Variants in UBE2E1 observed in about 807,000 individuals in gnomAD.
The protein encoded by UBE2E1 is ubiquitin conjugating enzyme E2 E1.
A neutral mutation model predicts 21.4 loss-of-function variants in UBE2E1; 6 were observed. That is an observed-to-expected ratio of 0.28 (90% CI 0.15 to 0.55). UBE2E1 has a LOEUF of 0.55. Among genes scored for constraint, UBE2E1 ranks in the 20% least tolerant of loss-of-function variants. The probability of loss-of-function intolerance (pLI) is 0.93; values close to 1 mark genes in which losing one functional copy is unlikely to be tolerated. For synonymous variants in UBE2E1, 87 were observed against 82.7 expected (o/e 1.05, Z -0.28); for missense variants, 142 against 236.5 (o/e 0.60, Z 2.62).
chr3:23,810,570 C>A lies in UBE2E1; in HGVS notation c.153-890C>A. Reference sequence around the variant, plus strand: ...CGAGAGTCCCGGCCAGCGTGCGGGGCGGAGGCAGGGTCCGGTGCACCTGTG... The same window carrying A: ...CGAGAGTCCCGGCCAGCGTGCGGGGAGGAGGCAGGGTCCGGTGCACCTGTG... On this transcript the variant is annotated intron_variant, in intron 2 of 5. Coordinates refer to ENST00000306627, the MANE Select transcript of UBE2E1 (RefSeq NM_003341.5). The surrounding 1 kb of genome is among the most constrained non-coding windows in gnomAD (Gnocchi z 5.8). 6.6e-7 allele frequency: 1 copy of A among 1,513,326 alleles called. No homozygotes were observed. The highest frequency in any genetic ancestry group is 8.8e-7 in the Non-Finnish European group (1 of 1,131,626). The allele number at this position is 1,513,326 out of a possible 1,614,324, so 93.7% of individuals were successfully genotyped here.
At chr3:23,869,832 A>G (rs1700746133) in intron 3 of UBE2E1, among the ~76,000 whole-genome samples, 1 of 151,890 alleles carries the variant, frequency 6.6e-6, no homozygotes, top group Admixed American at 6.6e-5. Flanking sequence ...TTGCCTCAGA[A>G]TGATCCCGCC....
At chr3:23,852,540 G>A (rs980364267) in intron 3 of UBE2E1, among the ~76,000 whole-genome samples, 2 of 152,170 alleles carry the variant, frequency 1.3e-5, no homozygotes, top group Non-Finnish European at 2.9e-5. Context: ...ACAAGATCAT[G>A]TCATCTGCAA....
At chr3:23,889,555 C>T in intron 5 of UBE2E1, 1 of 1,376,220 alleles carries the variant, frequency 7.3e-7, no homozygotes, top group Non-Finnish European at 9.3e-7. Flanking sequence ...CTTAATTTCC[C>T]ATAGAGTTCT....
intron 5 of UBE2E1, 71 bp downstream of exon 5, chr3:23,889,330 A>G (rs77972669): frequency 1.2e-6 from 2 of 1,603,910 alleles, no homozygotes; most frequent in South Asian, 2.2e-5. Context: ...AAAAGCTTTC[A>G]AAGGACAAAA....
At position 23,817,300 on chromosome 3, in the gene UBE2E1, TAA is replaced by T. The variant is rs562308831; in HGVS notation, c.203+5791_203+5792del. Among the ~76,000 whole-genome samples, 28 of 151,492 alleles carry T rather than the reference TAA, an allele frequency of 1.8e-4. No homozygotes were observed. In the South Asian group the frequency reaches 5.6e-3, roughly 30 times the overall value. On this transcript the variant is annotated intron_variant, in intron 3 of 5. Coordinates refer to ENST00000306627, the MANE Select transcript of UBE2E1 (RefSeq NM_003341.5). ...AGCCGGGCGTGGTGACGCGCGCCCG[TAA>T]TCCCAGCTACTTGGGAGGCTGAGGC... is the stretch of plus-strand genomic sequence containing the variant.
chr3:23,839,108 G>A (rs1700031609), intron 3 of UBE2E1, among the ~76,000 whole-genome samples: 1 of 151,948 alleles, frequency 6.6e-6, no homozygotes, highest in Non-Finnish European at 1.5e-5. Context: ...TATTCTGCAT[G>A]TTATAAACCC....
rs553804459 is a variant in UBE2E1, at chr3:23,868,550, G to C, written c.204-19017G>C. 1.3e-3 allele frequency among the ~76,000 whole-genome samples: 198 copies of C among 151,984 alleles called. No individual in the cohort carries two copies. The Middle Eastern group carries it at 0.02, about 16-fold the overall frequency. Reference sequence around the variant, plus strand: ...TCTCGATCTCCTGACCTTGTGATCCGCCTGCCTCAGCCTCCCAAAGTGCTG... The same window carrying C: ...TCTCGATCTCCTGACCTTGTGATCCCCCTGCCTCAGCCTCCCAAAGTGCTG... On this transcript the variant is annotated intron_variant, in intron 3 of 5. Coordinates refer to ENST00000306627, the MANE Select transcript of UBE2E1 (RefSeq NM_003341.5).
At chr3:23,820,141 C>T (rs983030804) in intron 3 of UBE2E1, among the ~76,000 whole-genome samples, 2 of 152,182 alleles carry the variant, frequency 1.3e-5, no homozygotes, top group African/African-American at 2.4e-5. Context: ...CTGACACATC[C>T]CATGTCACCA....
At chr3:23,845,857 A>T (rs1465473882) in intron 3 of UBE2E1, among the ~76,000 whole-genome samples, 1 of 152,220 alleles carries the variant, frequency 6.6e-6, no homozygotes, top group Non-Finnish European at 1.5e-5. Context: ...TTTCAATTTA[A>T]TAATTCAATA....
rs1038566225 is a variant in UBE2E1 at position 23,808,431 on chromosome 3, A to G, written c.152+1010A>G. Among the ~76,000 whole-genome samples, 1 of 152,256 alleles carries G rather than the reference A, an allele frequency of 6.6e-6. No homozygotes were observed. The highest frequency in any genetic ancestry group is 6.5e-5 in the Admixed American group (1 of 15,284). On this transcript the variant is annotated intron_variant, in intron 2 of 5. Coordinates refer to ENST00000306627, the MANE Select transcript of UBE2E1 (RefSeq NM_003341.5). The surrounding 1 kb of genome is among the most constrained non-coding windows in gnomAD (Gnocchi z 4.9). ...GTGGCAAACCAGGAAGATAGTAAGA[A>G]CTCCAAATGATGGGATAGGGATACC...
chr3:23,865,250 C>G (rs889076988), intron 3 of UBE2E1, among the ~76,000 whole-genome samples: 1 of 151,984 alleles, frequency 6.6e-6, no homozygotes, highest in African/African-American at 2.4e-5. Flanking sequence ...GCCCAGGCAA[C>G]TCCTAGAGGC....
At chr3:23,884,763 C>T (rs1187535730) in intron 3 of UBE2E1, among the ~76,000 whole-genome samples, 1 of 152,090 alleles carries the variant, frequency 6.6e-6, no homozygotes, top group Non-Finnish European at 1.5e-5. Context: ...GGAATATTGT[C>T]AGTACTGGAT....
chr3:23,823,822 A>T lies in UBE2E1; in HGVS notation c.203+12312A>T, dbSNP rs186759421. On this transcript the variant is annotated intron_variant, in intron 3 of 5. Transcript: ENST00000306627. The surrounding 1 kb of genome is among the most constrained non-coding windows in gnomAD (Gnocchi z 4.2). ...AGTAAAGTTAGCAGCGTCATATACT[A>T]CTTGCTAGTATATCACACTGCTTTG... Among the ~76,000 whole-genome samples, 4 of 152,320 alleles carry T rather than the reference A, an allele frequency of 2.6e-5. No homozygotes were observed. Among genetic ancestry groups the T allele is most frequent in the Admixed American group, 2.6e-4 (4 of 15,298 alleles).
chr3:23,828,769 G>A (rs1019211118), intron 3 of UBE2E1, among the ~76,000 whole-genome samples: 59 of 152,188 alleles, frequency 3.9e-4, no homozygotes, highest in Non-Finnish European at 7.6e-4. Flanking sequence ...GACCTAAGAT[G>A]TAAATTTGTT....
At chr3:23,855,615 G>A (rs2125310181) in intron 3 of UBE2E1, among the ~76,000 whole-genome samples, 1 of 152,194 alleles carries the variant, frequency 6.6e-6, no homozygotes, top group Middle Eastern at 3.4e-3. Flanking sequence ...GGATCACGAG[G>A]TCAGGAGATC....
At chr3:23,821,384 G>A (rs1173597048) in intron 3 of UBE2E1, among the ~76,000 whole-genome samples, 3 of 152,366 alleles carry the variant, frequency 2.0e-5, no homozygotes, top group African/African-American at 7.2e-5. Flanking sequence ...CAGGCCCTGA[G>A]GCGGGGACAA....
chr3:23,840,981 T>G (rs774201333), intron 3 of UBE2E1, among the ~76,000 whole-genome samples: 20 of 152,352 alleles, frequency 1.3e-4, no homozygotes, highest in Non-Finnish European at 2.5e-4. Flanking sequence ...GTAGGGCAGA[T>G]TTAGTATCTG....
intron 3 of UBE2E1, among the ~76,000 whole-genome samples, chr3:23,858,462 G>T (rs1400416890): frequency 6.6e-6 from 1 of 152,110 alleles, no homozygotes; most frequent in Non-Finnish European, 1.5e-5. Flanking sequence ...TGGGATTACA[G>T]GCATGCACCA....
intron 3 of UBE2E1, among the ~76,000 whole-genome samples, chr3:23,844,987 G>C (rs917471714): frequency 1.1e-4 from 16 of 152,098 alleles, no homozygotes; most frequent in African/African-American, 3.9e-4. Context: ...GACAAGATGG[G>C]ATTGTTCATA....
Sources: gnomAD v4.1 joint callset for allele counts (sites outside exome capture counted in the v4.1 genomes callset) on GRCh38, gnomAD v4.1.1 for gene constraint, Gnocchi (gnomAD v3.1) non-coding constraint, MANE v1.5 for transcripts, NCBI Gene and HGNC (gene_info 2026-07-23, HGNC 2026-07-21) for gene names.